Variants in RORA observed in about 807,000 individuals in gnomAD.
RORA encodes RAR related orphan receptor A, also known as nuclear receptor ROR-alpha.
Under a neutral mutation model 69.5 loss-of-function variants are expected in RORA, and 7 were observed. The observed-to-expected ratio is 0.10, with a 90% CI of 0.06 to 0.19. RORA has a LOEUF of 0.19. Among genes scored for constraint, RORA ranks in the 10% least tolerant of loss-of-function variants. The probability of loss-of-function intolerance (pLI) is 1.00; values close to 1 mark genes in which losing one functional copy is unlikely to be tolerated. For synonymous variants in RORA, 261 were observed against 240.8 expected, an observed-to-expected ratio of 1.08 and a Z score of -0.78; for missense variants, 457 against 663.0, an observed-to-expected ratio of 0.69 and a Z score of 3.41.
At chr15:61,079,173 A>G (rs1434420760) in intron 1 of RORA, among the ~76,000 whole-genome samples, 1 of 152,228 alleles carries the variant, frequency 6.6e-6, no homozygotes, top group Non-Finnish European at 1.5e-5. Context: ...CGACTATTAC[A>G]AGACCATCCT....
At chr15:60,728,789 A>G (rs1189185446) in intron 1 of RORA, among the ~76,000 whole-genome samples, 1 of 152,238 alleles carries the variant, frequency 6.6e-6, no homozygotes, top group East Asian at 1.9e-4. Flanking sequence ...AAAAAAACTT[A>G]AAGTGTAGTA....
At chr15:60,758,260 C>A (rs1295585893) in intron 1 of RORA, among the ~76,000 whole-genome samples, 1 of 152,170 alleles carries the variant, frequency 6.6e-6, no homozygotes, top group Admixed American at 6.5e-5. Context: ...ACACGACCCA[C>A]TCAGATAGTC....
chr15:60,669,965 G>A (rs369870566), intron 2 of RORA, among the ~76,000 whole-genome samples: 1 of 152,086 alleles, frequency 6.6e-6, no homozygotes, highest in Non-Finnish European at 1.5e-5. Flanking sequence ...CACAGAGCAG[G>A]GGTTAAAAAA....
At chr15:61,018,118 T>A (rs570609089) in intron 1 of RORA, among the ~76,000 whole-genome samples, 1 of 152,370 alleles carries the variant, frequency 6.6e-6, no homozygotes, top group African/African-American at 2.4e-5. Context: ...TGATACTTTG[T>A]TAGCCCCTTA....
intron 1 of RORA, among the ~76,000 whole-genome samples, chr15:61,145,993 T>A (rs1461379167): frequency 6.6e-6 from 1 of 152,206 alleles, no homozygotes; most frequent in Non-Finnish European, 1.5e-5. Context: ...ACTTAACTAA[T>A]GAGTTATGAG....
chr15:61,180,818 G>A, intron 1 of RORA, among the ~76,000 whole-genome samples: 1 of 152,176 alleles, frequency 6.6e-6, no homozygotes, highest in East Asian at 1.9e-4. Flanking sequence ...ACAAAGAAAG[G>A]CCAGGCGTGG....
At chr15:61,108,240 T>C (rs954583285) in intron 1 of RORA, among the ~76,000 whole-genome samples, 1 of 152,326 alleles carries the variant, frequency 6.6e-6, no homozygotes, top group African/African-American at 2.4e-5. Flanking sequence ...TGCAAAATAG[T>C]AAACTTAAAC....
intron 1 of RORA, among the ~76,000 whole-genome samples, chr15:61,185,025 AGGACTGTT>A (rs2079727518): frequency 7.0e-6 from 1 of 142,850 alleles, no homozygotes; most frequent in Admixed American, 7.0e-5. Flanking sequence ...AAGAAGAAGA[AGGACTGTT>A]ACTTCTATTC....
chr15:61,132,445 A>T (rs144765800), intron 1 of RORA, among the ~76,000 whole-genome samples: 173 of 152,308 alleles, frequency 1.1e-3, no homozygotes, highest in African/African-American at 4.1e-3. Flanking sequence ...TTTTATAGGC[A>T]TTACATATCC....
intron 1 of RORA, among the ~76,000 whole-genome samples, chr15:60,788,540 G>A (rs341458): frequency 9.5e-4 from 145 of 152,284 alleles, no homozygotes; most frequent in African/African-American, 3.4e-3. Flanking sequence ...TAATCACGGT[G>A]TTGCTGCACC....
rs2140844745 is a variant in RORA at position 61,131,957 on chromosome 15, T to C, written c.166+97096A>G. 6.6e-6 allele frequency among the ~76,000 whole-genome samples: 1 copy of C among 152,376 alleles called. No individual in the cohort carries two copies. Among genetic ancestry groups the C allele is most frequent in the East Asian group, 1.9e-4 (1 of 5,188 alleles). ...TAGATGCTGTAACCCTGATTACTAG[T>C]GGAGATGGAACTTATGGGTAGAATT... On this transcript the variant is annotated intron_variant, in intron 1 of 10. Transcript: ENST00000335670. This position sits in a 1 kb window ranked among gnomAD's most constrained non-coding sequence, Gnocchi z 4.2.
chr15:60,606,635 G>C (rs2068953242), intron 2 of RORA, among the ~76,000 whole-genome samples: 1 of 152,082 alleles, frequency 6.6e-6, no homozygotes. Context: ...TGAAATGTTT[G>C]AAAAAGATAG....
At chr15:61,049,835 A>G (rs1897216534) in intron 1 of RORA, among the ~76,000 whole-genome samples, 3 of 151,862 alleles carry the variant, frequency 2.0e-5, no homozygotes, top group Admixed American at 2.0e-4. Flanking sequence ...AATTTTTCAT[A>G]TTTTTAGTAG....
Position 61,061,066 on chromosome 15 carries a change from T to C in RORA, c.166+167987A>G, listed in dbSNP as rs960399982. ...CCTGGAATTTGGCATTAAAGGGCATTGCAAGGGCTGGGCGCGGTGGCTCGT... is the reference window on the plus strand; with the variant it reads ...CCTGGAATTTGGCATTAAAGGGCATCGCAAGGGCTGGGCGCGGTGGCTCGT... On this transcript the variant is annotated intron_variant, in intron 1 of 10. Transcript: ENST00000335670. This position sits in a 1 kb window ranked among gnomAD's most constrained non-coding sequence, Gnocchi z 4.4. 6.6e-6 allele frequency among the ~76,000 whole-genome samples: 1 copy of C among 152,114 alleles called. No homozygotes were observed. Among genetic ancestry groups the C allele is most frequent in the African/African-American group, 2.4e-5 (1 of 41,416 alleles).
At chr15:61,034,022 T>C (rs1220605500) in intron 1 of RORA, among the ~76,000 whole-genome samples, 1 of 152,226 alleles carries the variant, frequency 6.6e-6, no homozygotes, top group Non-Finnish European at 1.5e-5. Context: ...TTTATTTTTA[T>C]TCATTTTAAG....
intron 1 of RORA, among the ~76,000 whole-genome samples, chr15:61,072,226 T>G (rs2078377733): frequency 6.6e-6 from 1 of 152,210 alleles, no homozygotes; most frequent in Admixed American, 6.5e-5. Context: ...TTCCTTTTTT[T>G]TTTCTTTTTA....
At position 60,619,606 on chromosome 15, in the gene RORA, C is replaced by T. The variant is rs144699059; in HGVS notation, c.196+59051G>A. Among the ~76,000 whole-genome samples the T allele has an allele frequency of 7.2e-4, 109 of 152,136 alleles. 1 individual carries two copies. The highest frequency in any genetic ancestry group is 2.6e-3 in the African/African-American group (106 of 41,480). On this transcript the variant is annotated intron_variant, in intron 2 of 10. Transcript: ENST00000335670. ...AACACATTAGCTGCTTCCCTCCTTC[C>T]CCTCATCTCATAGCATTGAAATCTG... is the stretch of plus-strand genomic sequence containing the variant.
intron 1 of RORA, among the ~76,000 whole-genome samples, chr15:60,679,845 G>T (rs1473164243): frequency 6.6e-6 from 1 of 152,064 alleles, no homozygotes; most frequent in South Asian, 2.1e-4. Context: ...ACTTATTTAG[G>T]GAAGTTGAAA....
chr15:61,197,824 A>C (rs1221941544), intron 1 of RORA, among the ~76,000 whole-genome samples: 1 of 152,154 alleles, frequency 6.6e-6, no homozygotes, highest in Admixed American at 6.5e-5. Context: ...CTCCATGCAC[A>C]TCTCAATGCC....
Sources: gnomAD v4.1 joint callset for allele counts (sites outside exome capture counted in the v4.1 genomes callset) on GRCh38, gnomAD v4.1.1 for gene constraint, Gnocchi (gnomAD v3.1) non-coding constraint, MANE v1.5 for transcripts, NCBI Gene and HGNC (gene_info 2026-07-23, HGNC 2026-07-21) for gene names.